Variants in PAX5 observed in about 807,000 individuals in gnomAD.
PAX5 encodes the protein paired box 5.
A neutral mutation model predicts 43.7 loss-of-function variants in PAX5; 9 were observed. The ratio of observed to expected loss-of-function variants is 0.21; its 90% CI spans 0.12 to 0.36. The LOEUF (loss-of-function observed/expected upper bound fraction) is 0.36. Among genes scored for constraint, PAX5 ranks in the 10% least tolerant of loss-of-function variants. The pLI, the probability that PAX5 is intolerant of heterozygous loss-of-function variation, is 1.00. For missense variants in PAX5, 383 were observed against 532.7 expected (o/e 0.72, Z 2.77); for synonymous variants, 228 against 214.3 (o/e 1.06, Z -0.56).
chr9:36,905,867 G>A (rs1183281433), intron 7 of PAX5, among the ~76,000 whole-genome samples: 1 of 152,182 alleles, frequency 6.6e-6, no homozygotes, highest in Non-Finnish European at 1.5e-5. Flanking sequence ...GTTCAATGAT[G>A]GAATTGCACC....
chr9:36,888,672 A>G (rs1827110421), intron 7 of PAX5, among the ~76,000 whole-genome samples: 1 of 152,236 alleles, frequency 6.6e-6, no homozygotes, highest in African/African-American at 2.4e-5. Context: ...CTCAGGCTGC[A>G]TCTGGGGAGA....
At chr9:36,958,875 C>T (rs1252753909) in intron 6 of PAX5, among the ~76,000 whole-genome samples, 2 of 152,214 alleles carry the variant, frequency 1.3e-5, no homozygotes, top group African/African-American at 4.8e-5. Context: ...TGGCCCTGAA[C>T]TCCTGGGCAG....
chr9:36,959,076 C>A (rs1833739767), intron 6 of PAX5, among the ~76,000 whole-genome samples: 1 of 152,244 alleles, frequency 6.6e-6, no homozygotes, highest in South Asian at 2.1e-4. Context: ...TGCAGACTGA[C>A]CCTCTTTGTC....
chr9:36,973,932 G>T (rs746845621), intron 5 of PAX5, among the ~76,000 whole-genome samples: 1 of 152,160 alleles, frequency 6.6e-6, no homozygotes, highest in Admixed American at 6.5e-5. Flanking sequence ...CGTAGGAGGC[G>T]GAGGTTGTGG....
chr9:37,017,437 G>T (rs1206118494), intron 2 of PAX5, among the ~76,000 whole-genome samples: 4 of 152,144 alleles, frequency 2.6e-5, no homozygotes, highest in Non-Finnish European at 5.9e-5. Flanking sequence ...ATAATAATAA[G>T]AATAATGACC....
chr9:36,981,205 G>A (rs1213677112), intron 5 of PAX5, among the ~76,000 whole-genome samples: 1 of 126,894 alleles, frequency 7.9e-6, no homozygotes, highest in East Asian at 2.3e-4. Flanking sequence ...CCTCAGCCCT[G>A]CTTCATTCCC....
chr9:36,834,430 G>GTGTC lies in PAX5; in HGVS notation c.*6129_*6130insGACA, dbSNP rs1821501250. 1.3e-5 allele frequency: 3 copies of GTGTC among 232,982 alleles called. No homozygotes were observed. The East Asian group carries it at 1.8e-4, about 14-fold the overall frequency. The allele number at this position is 232,982 out of a possible 1,614,324, so 14.4% of individuals were successfully genotyped here. A position where few individuals can be genotyped will look rare whatever the true frequency, so the allele number is the denominator to read the frequency against. ...GGGGAGTGAGTGAGTGTGTGTGTGT[G>GTGTC]TGTGTGTGTGTGTGTGTGTGTGTTT... is the stretch of plus-strand genomic sequence containing the variant. On this transcript the variant is annotated 3_prime_UTR_variant, in exon 10 of 10. Coordinates refer to ENST00000358127, the MANE Select transcript of PAX5 (RefSeq NM_016734.3).
At chr9:37,005,752 A>G (rs916259500) in intron 4 of PAX5, among the ~76,000 whole-genome samples, 19 of 152,234 alleles carry the variant, frequency 1.2e-4, no homozygotes, top group African/African-American at 4.3e-4. Flanking sequence ...TATATAGTAC[A>G]ATAACTTTTC....
chr9:36,952,834 ATTG>A (rs1324911280), intron 6 of PAX5, among the ~76,000 whole-genome samples: 1 of 152,172 alleles, frequency 6.6e-6, no homozygotes, highest in Non-Finnish European at 1.5e-5. Context: ...CACTCCATAC[ATTG>A]TTATTATTAT....
In PAX5 at chr9:36,837,048, C is replaced by G. The variant is rs1282172671; in HGVS notation, c.*3512G>C. 4 of 232,742 alleles carry G rather than the reference C, an allele frequency of 1.7e-5. No homozygotes were observed. The highest frequency in any genetic ancestry group is 3.4e-5 in the Non-Finnish European group (4 of 117,880). The allele number at this position is 232,742 out of a possible 1,614,324, so 14.4% of individuals were successfully genotyped here. On this transcript the variant is annotated 3_prime_UTR_variant, in exon 10 of 10. Coordinates refer to ENST00000358127, the MANE Select transcript of PAX5 (RefSeq NM_016734.3). ...CCTAGGTCAGGCCAGCCTCTGGGTC[C>G]CTGTTCTTTCTTGCCTGATTGTGGG...
chr9:37,032,577 A>T (rs1341829411), intron 1 of PAX5, among the ~76,000 whole-genome samples: 1 of 152,200 alleles, frequency 6.6e-6, no homozygotes, highest in East Asian at 1.9e-4. Flanking sequence ...GTTATGCCCC[A>T]GAAGTTGTCC....
chr9:36,849,762 G>A (rs921341410), intron 8 of PAX5, among the ~76,000 whole-genome samples: 136 of 152,358 alleles, frequency 8.9e-4, no homozygotes, highest in Admixed American at 9.8e-4. Flanking sequence ...GCTAAGAGTG[G>A]TAGTGTGGTG....
At chr9:37,004,129 ATTTCCCCCGCCC>A (rs1397524501) in intron 4 of PAX5, among the ~76,000 whole-genome samples, 1 of 152,238 alleles carries the variant, frequency 6.6e-6, no homozygotes, top group East Asian at 1.9e-4. Flanking sequence ...TAAAGTCTAG[ATTTCCCCCGCCC>A]AGAAATAGGG....
At chr9:36,944,908 T>C (rs1052568177) in intron 6 of PAX5, among the ~76,000 whole-genome samples, 3 of 152,228 alleles carry the variant, frequency 2.0e-5, no homozygotes, top group Non-Finnish European at 4.4e-5. Flanking sequence ...TCTGTGCCTA[T>C]GGTTAAACAC....
intron 7 of PAX5, among the ~76,000 whole-genome samples, chr9:36,890,706 C>G (rs1051994723): frequency 4.8e-4 from 73 of 152,256 alleles, no homozygotes; most frequent in African/African-American, 1.7e-3. Flanking sequence ...TATGGCAGTG[C>G]CTGCTCGCTG....
chr9:36,909,410 G>A (rs777876099), intron 7 of PAX5, among the ~76,000 whole-genome samples: 17 of 152,202 alleles, frequency 1.1e-4, no homozygotes, highest in East Asian at 1.9e-4. Flanking sequence ...CCTTCCCAGC[G>A]GGTGGTTTGC....
At chr9:36,984,607 A>AT (rs2132293848) in intron 5 of PAX5, among the ~76,000 whole-genome samples, 1 of 151,306 alleles carries the variant, frequency 6.6e-6, no homozygotes, top group East Asian at 1.9e-4. Context: ...CGCCAGGCTA[A>AT]TTTTTTGTAT....
intron 7 of PAX5, among the ~76,000 whole-genome samples, chr9:36,889,903 G>A (rs1437664682): frequency 1.5e-5 from 2 of 133,058 alleles, no homozygotes; most frequent in African/African-American, 5.6e-5. Flanking sequence ...CTTTTTCATA[G>A]AGCCCATTTC....
chr9:36,950,299 A>G (rs1353296616), intron 6 of PAX5, among the ~76,000 whole-genome samples: 1 of 152,226 alleles, frequency 6.6e-6, no homozygotes, highest in African/African-American at 2.4e-5. Context: ...ATGATCTTCA[A>G]TAAAATCATC....
Sources: allele counts gnomAD v4.1 joint callset (sites outside exome capture counted in the v4.1 genomes callset), GRCh38; gene constraint gnomAD v4.1.1; transcripts MANE v1.5; gene names NCBI Gene and HGNC (gene_info 2026-07-23, HGNC 2026-07-21).